The following DENND11 variants were observed in gnomAD, a reference collection of about 807,000 sequenced individuals.
DENND11 encodes the protein DENN domain containing 11.
A neutral mutation model predicts 49.2 loss-of-function variants in DENND11; 34 were observed. That is an observed-to-expected ratio of 0.69 (90% CI 0.53 to 0.92). The LOEUF (loss-of-function observed/expected upper bound fraction) is 0.92, where lower values mean the gene tolerates loss of function less well. DENND11 is among the 40% of genes least tolerant of loss of function. The probability of loss-of-function intolerance (pLI) is 0.00; values close to 1 mark genes in which losing one functional copy is unlikely to be tolerated. For missense variants in DENND11, 475 were observed against 581.6 expected (o/e 0.82, Z 1.88); for synonymous variants, 238 against 230.3 (o/e 1.03, Z -0.30).
intron 1 of DENND11, among the ~76,000 whole-genome samples, chr7:141,693,612 T>C (rs767375487): frequency 5.3e-4 from 80 of 152,250 alleles, no homozygotes; most frequent in Non-Finnish European, 1.0e-3. Context: ...CATAGGTGAA[T>C]GGATAAATAA....
intron 4 of DENND11, among the ~76,000 whole-genome samples, chr7:141,671,035 C>T (rs1321522898): frequency 6.6e-6 from 1 of 152,164 alleles, no homozygotes; most frequent in African/African-American, 2.4e-5. Flanking sequence ...TCCATGTCAC[C>T]TTCTTATGCT....
chr7:141,693,407 G>A (rs1014902084), intron 1 of DENND11, among the ~76,000 whole-genome samples: 2 of 152,148 alleles, frequency 1.3e-5, no homozygotes, highest in African/African-American at 4.8e-5. Flanking sequence ...ATATAAAATG[G>A]CACAACCACT....
chr7:141,674,191 G>C lies in DENND11; in HGVS notation c.557C>G (p.Ser186Cys). Residue 186 changes from serine to cysteine, a missense_variant, in exon 4 of 9, where the codon TCT (serine) becomes TGT (cysteine). By Grantham distance (112) the Ser-to-Cys change is moderately radical. Coordinates refer to ENST00000536163, the MANE Select transcript of DENND11 (RefSeq NM_001080392.2). Reference sequence around the variant, plus strand: ...GTCCTCATAGAAGGCAGCCAGATGAGAGTAATGTCCTGGCATCTCCAACTG... The same window carrying C: ...GTCCTCATAGAAGGCAGCCAGATGACAGTAATGTCCTGGCATCTCCAACTG... Reference protein sequence around the residue: ...RHQLEMPGHYSHLAAFYEDKK... With the variant: ...RHQLEMPGHYCHLAAFYEDKK... 4 of 1,551,720 alleles carry C rather than the reference G, an allele frequency of 2.6e-6. No homozygotes were observed. Among genetic ancestry groups the C allele is most frequent in the Non-Finnish European group, 3.5e-6 (4 of 1,147,812 alleles).
rs187129076 is a variant in DENND11, at chr7:141,678,215, G to A, written c.528-3995C>T. On this transcript the variant is annotated intron_variant, in intron 3 of 8. Transcript: ENST00000536163. ...TGAGCTCAGGCAATCTGCCTGCCTC[G>A]GCCTCCCAAAGTGCTAGGATTACAG... Among the ~76,000 whole-genome samples, 1,195 of 152,174 alleles carry A rather than the reference G, an allele frequency of 7.9e-3. 7 individuals carry two copies. Among genetic ancestry groups the A allele is most frequent in the Non-Finnish European group, 0.014 (941 of 68,016 alleles).
intron 5 of DENND11, 109 bp downstream of exon 5, chr7:141,666,178 T>C: frequency 8.1e-7 from 1 of 1,241,526 alleles, no homozygotes; most frequent in East Asian, 2.4e-5. Flanking sequence ...TAAAACCCCA[T>C]CCCCTGGATG....
In DENND11 at chr7:141,660,712, C is replaced by T. The variant is rs886273737; in HGVS notation, c.*1944G>A. On this transcript the variant is annotated 3_prime_UTR_variant, in exon 9 of 9. Coordinates refer to ENST00000536163, the MANE Select transcript of DENND11 (RefSeq NM_001080392.2). ...ACCACCTACCCCCAGCTTAAAACAC[C>T]CTGAACCTCAGGATACCACGAAAAA... is the stretch of plus-strand genomic sequence containing the variant. 1 of 152,540 alleles carries T rather than the reference C, an allele frequency of 6.6e-6. No homozygotes were observed. The highest frequency in any genetic ancestry group is 1.5e-5 in the Non-Finnish European group (1 of 68,060). 9.4% of individuals were successfully genotyped at this position (152,540 alleles called of 1,614,324 possible). A position where few individuals can be genotyped will look rare whatever the true frequency, so the allele number is the denominator to read the frequency against.
At chr7:141,682,854 G>A (rs1798167414) in intron 3 of DENND11, among the ~76,000 whole-genome samples, 1 of 151,892 alleles carries the variant, frequency 6.6e-6, no homozygotes, top group Admixed American at 6.6e-5. Context: ...TTGCCTACTT[G>A]GAGAATTAGC....
intron 4 of DENND11, among the ~76,000 whole-genome samples, chr7:141,669,957 C>G (rs1797954544): frequency 6.6e-6 from 1 of 150,988 alleles, no homozygotes; most frequent in Non-Finnish European, 1.5e-5. Flanking sequence ...ACTACAGGCG[C>G]CCGCCACCTC....
chr7:141,696,995 C>A (rs1200588518), intron 1 of DENND11, among the ~76,000 whole-genome samples: 1 of 152,254 alleles, frequency 6.6e-6, no homozygotes, highest in African/African-American at 2.4e-5. Context: ...TATGCCAATC[C>A]ATGGCTGAAT....
chr7:141,701,900 A>G lies in DENND11; in HGVS notation c.254T>C (p.Phe85Ser). Residue 85 changes from phenylalanine (F) to serine (S), a missense_variant, in exon 1 of 9, where the codon TTC becomes TCC. Transcript: ENST00000536163. ...GCGGCCCTCACCCGAGCGGGGGTCG[A>G]AGGTGACCACGAACACGGCCACCAC... ...DQVVAVFVVT[F>S]DPRSGNMVEW... 8.3e-7 allele frequency: 1 copy of G among 1,209,278 alleles called. No individual in the cohort carries two copies. Among genetic ancestry groups the G allele is most frequent in the Non-Finnish European group, 1.0e-6 (1 of 973,994 alleles). The allele number at this position is 1,209,278 out of a possible 1,614,324, so 74.9% of individuals were successfully genotyped here.
intron 3 of DENND11, among the ~76,000 whole-genome samples, chr7:141,674,443 C>A (rs1210096672): frequency 6.6e-6 from 1 of 152,160 alleles, no homozygotes; most frequent in Non-Finnish European, 1.5e-5. Flanking sequence ...GCCTGAAACT[C>A]CCTGACAACA....
At chr7:141,700,500 A>G (rs535884784) in intron 1 of DENND11, among the ~76,000 whole-genome samples, 9 of 152,034 alleles carry the variant, frequency 5.9e-5, no homozygotes, top group South Asian at 4.2e-4. Flanking sequence ...AAGAGAGAGA[A>G]AAAAGAATGC....
chr7:141,686,239 C>T (rs930695947), intron 2 of DENND11, among the ~76,000 whole-genome samples: 1 of 152,176 alleles, frequency 6.6e-6, no homozygotes, highest in Admixed American at 6.5e-5. Context: ...CATAGATATC[C>T]TCAGTTAACT....
chr7:141,694,281 T>C (rs1376722530), intron 1 of DENND11, among the ~76,000 whole-genome samples: 2 of 152,150 alleles, frequency 1.3e-5, no homozygotes, highest in African/African-American at 4.8e-5. Context: ...TTTATTTTAT[T>C]TTATTAAGAG....
rs747675840 is a variant in DENND11 at position 141,664,159 on chromosome 7, C to T, written c.1172+13G>A. 6 of 1,568,702 alleles carry T rather than the reference C, an allele frequency of 3.8e-6. No individual in the cohort carries two copies. Among genetic ancestry groups the T allele is most frequent in the Non-Finnish European group, 4.3e-6 (5 of 1,154,400 alleles). On this transcript the variant is annotated intron_variant, in intron 8 of 8. Transcript: ENST00000536163. ...CCTCAGGGAGACTCCACATCCACGG[C>T]CCCAGGACTCACAGCACGAAGAGGT...
chr7:141,674,103 C>T lies in DENND11; in HGVS notation c.645G>A (p.Leu215=). Residue 215 remains leucine (L), a synonymous_variant, in exon 4 of 9, where the codon CTG becomes CTA. Coordinates refer to ENST00000536163, the MANE Select transcript of DENND11 (RefSeq NM_001080392.2). ...RGSSLPPVYW[L]PSIHRYMYPE... ...GGTACATGTATCGGTGGATGGAAGGCAGCCAGTAGACAGGGGGCAGGCTGC... is the reference window on the plus strand; with the variant it reads ...GGTACATGTATCGGTGGATGGAAGGTAGCCAGTAGACAGGGGGCAGGCTGC... 1 of 1,602,774 alleles carries T rather than the reference C, an allele frequency of 6.2e-7. No homozygotes were observed.
chr7:141,682,861 T>C (rs1254436395), intron 3 of DENND11, among the ~76,000 whole-genome samples: 6 of 152,042 alleles, frequency 3.9e-5, no homozygotes, highest in Non-Finnish European at 8.8e-5. Context: ...CTTGGAGAAT[T>C]AGCTTTTTAA....
chr7:141,686,465 C>T, intron 2 of DENND11, 94 bp downstream of exon 2: 1 of 281,372 alleles, frequency 3.6e-6, no homozygotes, highest in Non-Finnish European at 7.3e-6. Flanking sequence ...ACACACAGCA[C>T]ACGAAGACCT....
intron 7 of DENND11, 93 bp from the exon 8 acceptor site, chr7:141,664,333 C>T (rs1302878188): frequency 1.1e-6 from 1 of 932,772 alleles, no homozygotes; most frequent in Admixed American, 2.0e-5. Flanking sequence ...GGGCCACCAC[C>T]TCCCAGGAAG....
Sources: gnomAD v4.1 joint callset for allele counts (sites outside exome capture counted in the v4.1 genomes callset) on GRCh38, gnomAD v4.1.1 for gene constraint, MANE v1.5 for transcripts, NCBI Gene and HGNC (gene_info 2026-07-23, HGNC 2026-07-21) for gene names.